Variants in TM9SF3 observed in about 807,000 individuals in gnomAD.
TM9SF3 encodes the protein SM-11044-binding protein.
In TM9SF3, 14 loss-of-function variants were observed where a neutral mutation model predicts 78.6. The observed-to-expected ratio is 0.18, with a 90% confidence interval of 0.12 to 0.28. TM9SF3 has a LOEUF of 0.28. Ranked by LOEUF, TM9SF3 falls within the 10% of genes least tolerant of loss-of-function variation. The pLI is 1.00. For missense variants in TM9SF3, 496 were observed against 721.9 expected (o/e 0.69, Z 3.59); for synonymous variants, 231 against 241.7 (o/e 0.96, Z 0.41).
intron 1 of TM9SF3, among the ~76,000 whole-genome samples, chr10:96,581,501 A>T (rs927833266): frequency 6.6e-6 from 1 of 152,256 alleles, no homozygotes; most frequent in Non-Finnish European, 1.5e-5. Flanking sequence ...CAAATAAATT[A>T]GAAATGTAAT....
chr10:96,552,355 G>A (rs1358025257), intron 6 of TM9SF3, among the ~76,000 whole-genome samples: 1 of 152,042 alleles, frequency 6.6e-6, no homozygotes. Flanking sequence ...AGGCTGAGGT[G>A]GCACGATCAC....
Position 96,547,916 on chromosome 10 carries a change from T to G in TM9SF3, c.1033A>C (p.Ser345Arg), listed in dbSNP as rs774565465. ...TSPVNGYFGG[S>R]LYARQGGRRW... ...TTACCTCCTTGTCTAGCATACAGAC[T>G]TCCTCCAAAATAACCATTCACTGGA... The change falls in exon 8 of 15, where the codon AGT (serine) becomes CGT (arginine). Residue 345 changes from serine (S) to arginine (R), a missense_variant. Physicochemically the swap from Ser to Arg is moderately radical, Grantham distance 110 (BLOSUM62 -1). Coordinates refer to ENST00000371142, the MANE Select transcript of TM9SF3 (RefSeq NM_020123.4). The G allele has an allele frequency of 1.2e-6, 2 of 1,613,624 alleles. No homozygotes were observed. Among genetic ancestry groups the G allele is most frequent in the Non-Finnish European group, 1.7e-6 (2 of 1,179,716 alleles).
intron 1 of TM9SF3, among the ~76,000 whole-genome samples, chr10:96,578,462 G>A (rs1049364531): frequency 6.6e-6 from 1 of 152,174 alleles, no homozygotes; most frequent in Non-Finnish European, 1.5e-5. Flanking sequence ...AGAAGGTCAG[G>A]ACGAATAACA....
At chr10:96,563,130 T>C (rs905313003) in intron 3 of TM9SF3, among the ~76,000 whole-genome samples, 7 of 152,144 alleles carry the variant, frequency 4.6e-5, no homozygotes, top group Non-Finnish European at 7.4e-5. Flanking sequence ...GGCTGGAGTG[T>C]AGTGACACAA....
chr10:96,548,341 T>C lies in TM9SF3; in HGVS notation c.960-352A>G, dbSNP rs117256158. On this transcript the variant is annotated intron_variant, in intron 7 of 14. Transcript: ENST00000371142. ...CCCATAATATGGAACAAGATGTTCATCTGTTAAGAAAAATGACTGGAATAG... is the reference window on the plus strand; with the variant it reads ...CCCATAATATGGAACAAGATGTTCACCTGTTAAGAAAAATGACTGGAATAG... 4.2e-3 allele frequency among the ~76,000 whole-genome samples: 638 copies of C among 152,346 alleles called. 3 individuals carry two copies. The highest frequency in any genetic ancestry group is 6.8e-3 in the Middle Eastern group (2 of 294).
In TM9SF3 at chr10:96,560,360, T is replaced by C. The variant is rs144947721; in HGVS notation, c.583-624A>G. Reference sequence around the variant, plus strand: ...GCTGGTGCAAAGGATGAATTGCATATTGTTGAAGCAGAGGCAATGAATTAT... The same window carrying C: ...GCTGGTGCAAAGGATGAATTGCATACTGTTGAAGCAGAGGCAATGAATTAT... On this transcript the variant is annotated intron_variant, in intron 4 of 14. Transcript: ENST00000371142. The C allele has an allele frequency of 5.7e-4, 422 of 739,480 alleles. 4 individuals carry two copies. In the African/African-American group the frequency reaches 6.2e-3, roughly 11 times the overall value. 45.8% of individuals were successfully genotyped at this position (739,480 alleles called of 1,614,324 possible).
chr10:96,571,141 G>GT (rs1221682221), intron 2 of TM9SF3, among the ~76,000 whole-genome samples: 4 of 152,226 alleles, frequency 2.6e-5, no homozygotes, highest in Non-Finnish European at 5.9e-5. Flanking sequence ...AGTGATGCCT[G>GT]TAAGGGAGGG....
chr10:96,537,320 A>G (rs1019813689), intron 9 of TM9SF3, among the ~76,000 whole-genome samples: 1 of 152,238 alleles, frequency 6.6e-6, no homozygotes, highest in East Asian at 1.9e-4. Context: ...AATTGCCTAC[A>G]GTATTCAGTA....
In TM9SF3 at chr10:96,518,291, T is replaced by C. The variant is rs984479604; in HGVS notation, c.*3972A>G. ...AATGGAAGTGGTCATCAGGCAATAATTGTTTCCTTGGAACTCTGCACCGAC... is the reference window on the plus strand; with the variant it reads ...AATGGAAGTGGTCATCAGGCAATAACTGTTTCCTTGGAACTCTGCACCGAC... On this transcript the variant is annotated 3_prime_UTR_variant, in exon 15 of 15. Transcript: ENST00000371142. The C allele has an allele frequency of 1.3e-5, 2 of 152,142 alleles. No individual in the cohort carries two copies. Among genetic ancestry groups the C allele is most frequent in the Non-Finnish European group, 2.9e-5 (2 of 68,002 alleles). 9.4% of individuals were successfully genotyped at this position (152,142 alleles called of 1,614,324 possible).
intron 9 of TM9SF3, among the ~76,000 whole-genome samples, chr10:96,542,237 G>A (rs895564845): frequency 2.0e-5 from 3 of 152,030 alleles, no homozygotes; most frequent in East Asian, 1.9e-4. Flanking sequence ...AAAAGGAGAC[G>A]GTAAAGTACA....
chr10:96,586,766 G>A lies in TM9SF3; in HGVS notation c.70C>T (p.Pro24Ser). Residue 24 changes from proline (P) to serine (S), a missense_variant, in exon 1 of 15, where the codon CCC becomes TCC. Physicochemically the swap from Pro to Ser is moderately conservative, Grantham distance 74. Transcript: ENST00000371142. ...TCGTGCTCGTCCGCCCGGGTCCGGG[G>A]CAGCAGCAGCAGCAGCAGCCACAGC... ...AALWLLLLLLPRTRADEHEHT... is the reference protein window; with the variant it reads ...AALWLLLLLLSRTRADEHEHT... 8.7e-6 allele frequency: 11 copies of A among 1,263,048 alleles called. No individual in the cohort carries two copies. Among genetic ancestry groups the A allele is most frequent in the Non-Finnish European group, 1.0e-5 (10 of 1,001,874 alleles). 78.2% of individuals were successfully genotyped at this position (1,263,048 alleles called of 1,614,324 possible).
chr10:96,543,981 C>CA, intron 9 of TM9SF3, 95 bp downstream of exon 9: 1 of 1,315,190 alleles, frequency 7.6e-7, no homozygotes, highest in Non-Finnish European at 1.0e-6. Flanking sequence ...CTGAAACCAT[C>CA]AAAACATCTA....
At chr10:96,555,154 C>T (rs1848219907) in intron 5 of TM9SF3, among the ~76,000 whole-genome samples, 1 of 152,050 alleles carries the variant, frequency 6.6e-6, no homozygotes, top group Non-Finnish European at 1.5e-5. Flanking sequence ...CCCTATTTCT[C>T]TCATATCAAA....
chr10:96,525,422 CTACTT>C (rs1269168433), intron 14 of TM9SF3, among the ~76,000 whole-genome samples: 3 of 151,976 alleles, frequency 2.0e-5, no homozygotes, highest in African/African-American at 7.2e-5. Context: ...GTTTCATTCA[CTACTT>C]TACGGACAAT....
chr10:96,575,859 AAAAATGCCTG>A (rs1848490607), intron 2 of TM9SF3, among the ~76,000 whole-genome samples: 1 of 152,222 alleles, frequency 6.6e-6, no homozygotes, highest in African/African-American at 2.4e-5. Context: ...TCACCATGCT[AAAAATGCCTG>A]TGCAGGAAAT....
At position 96,564,890 on chromosome 10, in the gene TM9SF3, A is replaced by T. The variant is rs186392616; in HGVS notation, c.421+414T>A. Among the ~76,000 whole-genome samples the T allele has an allele frequency of 7.5e-4, 115 of 152,322 alleles. 1 individual carries two copies. Among genetic ancestry groups the T allele is most frequent in the African/African-American group, 2.7e-3 (111 of 41,574 alleles). The stretch of plus-strand genomic sequence containing the variant: ...TTTTTAGCAAAATAAGCCATTCAAG[A>T]AACTATCATACCAAGAAACCATACT... On this transcript the variant is annotated intron_variant, in intron 3 of 14. Coordinates refer to ENST00000371142, the MANE Select transcript of TM9SF3 (RefSeq NM_020123.4).
chr10:96,586,795 G>A lies in TM9SF3; in HGVS notation c.41C>T (p.Ala14Val), dbSNP rs559506497. 3.6e-4 allele frequency: 460 copies of A among 1,280,518 alleles called. No homozygotes were observed. The highest frequency in any genetic ancestry group is 1.8e-3 in the Middle Eastern group (6 of 3,416). 79.3% of individuals were successfully genotyped at this position (1,280,518 alleles called of 1,614,324 possible). A position where few individuals can be genotyped will look rare whatever the true frequency, so the allele number is the denominator to read the frequency against. Reference protein sequence around the residue: ...LPGALGVAAAAALWLLLLLLP... With the variant: ...LPGALGVAAAVALWLLLLLLP... ...CAGCAGCAGCAGCAGCCACAGCGCG[G>A]CGGCCGCCGCCACGCCAAGAGCGCC... The change falls in exon 1 of 15, where the codon GCC becomes GTC. Residue 14 changes from alanine (A) to valine (V), a missense_variant. By Grantham distance (64) the Ala-to-Val change is moderately conservative (BLOSUM62 0). Coordinates refer to ENST00000371142, the MANE Select transcript of TM9SF3 (RefSeq NM_020123.4).
At position 96,520,714 on chromosome 10, in the gene TM9SF3, T is replaced by C. The variant is rs989857610; in HGVS notation, c.*1549A>G. On this transcript the variant is annotated 3_prime_UTR_variant, in exon 15 of 15. Coordinates refer to ENST00000371142, the MANE Select transcript of TM9SF3 (RefSeq NM_020123.4). ...TAACCTTTATTTGTTGATCCAACAG[T>C]ACGTTAACCACTTTTACCCCATCCC... 7.7e-6 allele frequency: 3 copies of C among 391,688 alleles called. No homozygotes were observed. The highest frequency in any genetic ancestry group is 1.4e-5 in the Non-Finnish European group (3 of 221,420). The allele number at this position is 391,688 out of a possible 1,614,324, so 24.3% of individuals were successfully genotyped here. A position where few individuals can be genotyped will look rare whatever the true frequency, so the allele number is the denominator to read the frequency against.
chr10:96,562,218 T>TG (rs1274318075), intron 3 of TM9SF3, 80 bp from the exon 4 acceptor site: 3 of 450,912 alleles, frequency 6.7e-6, no homozygotes, highest in Non-Finnish European at 9.6e-6. Flanking sequence ...CTCATTAAGT[T>TG]TTTTTTTTTT....
Sources: allele counts gnomAD v4.1 joint callset (sites outside exome capture counted in the v4.1 genomes callset), GRCh38; gene constraint gnomAD v4.1.1; transcripts MANE v1.5; gene names NCBI Gene and HGNC (gene_info 2026-07-23, HGNC 2026-07-21).